Variants in DMRT1 observed in about 807,000 individuals in gnomAD.
DMRT1 encodes doublesex and mab-3 related transcription factor 1.
DMRT1 carries 7 observed loss-of-function variants against 32.3 expected under a neutral mutation model. The ratio of observed to expected loss-of-function variants is 0.22; its 90% CI spans 0.12 to 0.41. DMRT1 has a LOEUF of 0.41. Among genes scored for constraint, DMRT1 ranks in the 10% least tolerant of loss-of-function variants. The pLI, the probability that DMRT1 is intolerant of heterozygous loss-of-function variation, is 1.00. For synonymous variants in DMRT1, 278 were observed against 206.1 expected (o/e 1.35, Z -2.99); for missense variants, 625 against 500.5 (o/e 1.25, Z -2.37).
At chr9:933,258 C>T (rs1055202162) in intron 4 of DMRT1, among the ~76,000 whole-genome samples, 4 of 152,232 alleles carry the variant, frequency 2.6e-5, no homozygotes, top group Middle Eastern at 3.4e-3. Flanking sequence ...GTCTTTCGGG[C>T]GACCAGCCCC....
At chr9:893,116 G>A (rs1466280824) in intron 2 of DMRT1, among the ~76,000 whole-genome samples, 5 of 152,116 alleles carry the variant, frequency 3.3e-5, no homozygotes, top group Non-Finnish European at 7.3e-5. Context: ...ATCCTAGACC[G>A]TAGACTCCCT....
At chr9:934,708 T>C (rs990525071) in intron 4 of DMRT1, among the ~76,000 whole-genome samples, 1 of 152,214 alleles carries the variant, frequency 6.6e-6, no homozygotes, top group African/African-American at 2.4e-5. Flanking sequence ...CTTTTGCATG[T>C]GAATATCCAG....
chr9:887,218 C>T (rs932891133), intron 2 of DMRT1, among the ~76,000 whole-genome samples: 1 of 152,152 alleles, frequency 6.6e-6, no homozygotes, highest in African/African-American at 2.4e-5. Flanking sequence ...AACAATGTAA[C>T]TTAGTTGTTT....
chr9:907,969 G>C (rs769244230), intron 3 of DMRT1, among the ~76,000 whole-genome samples: 1 of 152,128 alleles, frequency 6.6e-6, no homozygotes, highest in Non-Finnish European at 1.5e-5. Context: ...CTGTTGTTCC[G>C]TCAGTACCAC....
intron 3 of DMRT1, among the ~76,000 whole-genome samples, chr9:897,603 A>C (rs1817421283): frequency 6.6e-6 from 1 of 152,064 alleles, no homozygotes; most frequent in Non-Finnish European, 1.5e-5. Flanking sequence ...AAAAAAAAAA[A>C]ACAAAATTAA....
intron 4 of DMRT1, among the ~76,000 whole-genome samples, chr9:967,780 C>T (rs1819977747): frequency 6.6e-6 from 1 of 152,170 alleles, no homozygotes; most frequent in African/African-American, 2.4e-5. Flanking sequence ...AATAGGTATA[C>T]TGTGTAGAAT....
At chr9:854,671 G>A (rs1042331828) in intron 2 of DMRT1, among the ~76,000 whole-genome samples, 4 of 148,690 alleles carry the variant, frequency 2.7e-5, no homozygotes, top group Admixed American at 1.4e-4. Context: ...GCTAGAATAG[G>A]AAATGATATT....
chr9:866,191 G>A (rs1245633768), intron 2 of DMRT1, among the ~76,000 whole-genome samples: 2 of 130,244 alleles, frequency 1.5e-5, no homozygotes, highest in East Asian at 4.5e-4. Context: ...AAAAAAGACA[G>A]TGGTGGGTGT....
chr9:936,806 T>C (rs951686526), intron 4 of DMRT1, among the ~76,000 whole-genome samples: 5 of 152,118 alleles, frequency 3.3e-5, no homozygotes, highest in Admixed American at 3.3e-4. Flanking sequence ...TCCTTTCTTA[T>C]TACATTTTTT....
intron 2 of DMRT1, among the ~76,000 whole-genome samples, chr9:883,767 G>C (rs946941990): frequency 6.6e-6 from 1 of 151,262 alleles, no homozygotes; most frequent in Non-Finnish European, 1.5e-5. Flanking sequence ...ACTTCAGCCT[G>C]GGCGGAGCAA....
intron 2 of DMRT1, among the ~76,000 whole-genome samples, chr9:889,780 T>A (rs1817068527): frequency 6.6e-6 from 1 of 152,230 alleles, no homozygotes; most frequent in Non-Finnish European, 1.5e-5. Context: ...TTGTTTTCTT[T>A]TTTAAGAAGC....
At chr9:890,393 A>G (rs1817099842) in intron 2 of DMRT1, among the ~76,000 whole-genome samples, 1 of 152,218 alleles carries the variant, frequency 6.6e-6, no homozygotes, top group Non-Finnish European at 1.5e-5. Flanking sequence ...GAAGAAAGGA[A>G]AGGAATAGAA....
rs1820001005 is a variant in DMRT1 at position 968,248 on chromosome 9, C to A, written c.*109C>A. The A allele has an allele frequency of 7.3e-7, 1 of 1,374,800 alleles. No individual in the cohort carries two copies. The highest frequency in any genetic ancestry group is 1.0e-6 in the Non-Finnish European group (1 of 996,706). 85.2% of individuals were successfully genotyped at this position (1,374,800 alleles called of 1,614,324 possible). On this transcript the variant is annotated 3_prime_UTR_variant, in exon 5 of 5. Transcript: ENST00000382276. Reference sequence around the variant, plus strand: ...CTCATACTATCTTAACTGTTGAGAACGTATTTGGTTTATATTCCTTAGAGT... The same window carrying A: ...CTCATACTATCTTAACTGTTGAGAAAGTATTTGGTTTATATTCCTTAGAGT...
rs545784963 is a variant in DMRT1 at position 862,623 on chromosome 9, G to T, written c.538+15480G>T. Among the ~76,000 whole-genome samples, 10 of 152,268 alleles carry T rather than the reference G, an allele frequency of 6.6e-5. No individual in the cohort carries two copies. The South Asian group carries it at 2.1e-3, about 32-fold the overall frequency. Reference sequence around the variant, plus strand: ...TGGGTGAGAGATTGATGGGAAGGTCGTGCTGTTGTCCAGGTGAAAGGGAGA... The same window carrying T: ...TGGGTGAGAGATTGATGGGAAGGTCTTGCTGTTGTCCAGGTGAAAGGGAGA... On this transcript the variant is annotated intron_variant, in intron 2 of 4. Transcript: ENST00000382276.
intron 2 of DMRT1, among the ~76,000 whole-genome samples, chr9:853,139 A>AT (rs781024793): frequency 6.6e-6 from 1 of 152,020 alleles, no homozygotes; most frequent in Non-Finnish European, 1.5e-5. Context: ...AGGTACGGAG[A>AT]TTTTTTTTAT....
intron 3 of DMRT1, among the ~76,000 whole-genome samples, chr9:901,068 G>T (rs973957590): frequency 5.9e-5 from 9 of 151,858 alleles, no homozygotes; most frequent in Admixed American, 4.6e-4. Context: ...AGGCCAGAGT[G>T]CAGCAGCATG....
intron 4 of DMRT1, among the ~76,000 whole-genome samples, chr9:947,507 T>C (rs1819284680): frequency 6.6e-6 from 1 of 152,244 alleles, no homozygotes; most frequent in Non-Finnish European, 1.5e-5. Context: ...ATTCTGACTT[T>C]GAGCAGGCAC....
At chr9:897,881 T>A (rs1817432980) in intron 3 of DMRT1, among the ~76,000 whole-genome samples, 1 of 152,132 alleles carries the variant, frequency 6.6e-6, no homozygotes. Flanking sequence ...CAAGTATGAA[T>A]GTGTATGGAT....
chr9:866,805 T>G (rs1816012887), intron 2 of DMRT1, among the ~76,000 whole-genome samples: 1 of 152,168 alleles, frequency 6.6e-6, no homozygotes, highest in African/African-American at 2.4e-5. Flanking sequence ...GAGGGTGGTG[T>G]TCATTTTCCT....
Sources: gnomAD v4.1 joint callset for allele counts (sites outside exome capture counted in the v4.1 genomes callset) on GRCh38, gnomAD v4.1.1 for gene constraint, MANE v1.5 for transcripts, NCBI Gene and HGNC (gene_info 2026-07-23, HGNC 2026-07-21) for gene names.